The following CCSER1 variants were observed in gnomAD, a reference collection of about 807,000 sequenced individuals.
CCSER1 encodes the protein serine-rich coiled-coil domain-containing protein 1.
CCSER1 carries 41 observed loss-of-function variants against 82.0 expected under a neutral mutation model. That is an observed-to-expected ratio of 0.50 (90% CI 0.39 to 0.65). CCSER1 has a LOEUF of 0.65. Among genes scored for constraint, CCSER1 ranks in the 30% least tolerant of loss-of-function variants. CCSER1 has a pLI of 0.00. For synonymous variants in CCSER1, 414 were observed against 383.9 expected, an observed-to-expected ratio of 1.08 and a Z score of -0.92; for missense variants, 1,119 against 1,064.2, an observed-to-expected ratio of 1.05 and a Z score of -0.72.
intron 5 of CCSER1, among the ~76,000 whole-genome samples, chr4:90,617,733 T>C (rs1277522489): frequency 6.6e-6 from 1 of 152,178 alleles, no homozygotes; most frequent in Non-Finnish European, 1.5e-5. Context: ...GGAAAGTAAT[T>C]CAGCTACTTT....
chr4:91,372,343 A>G (rs1412192140), intron 10 of CCSER1, among the ~76,000 whole-genome samples: 5 of 152,164 alleles, frequency 3.3e-5, no homozygotes, highest in Non-Finnish European at 7.4e-5. Context: ...CTGTATGTCA[A>G]CAGAACAACC....
At chr4:90,516,036 T>C (rs1268734194) in intron 5 of CCSER1, among the ~76,000 whole-genome samples, 1 of 152,088 alleles carries the variant, frequency 6.6e-6, no homozygotes, top group Non-Finnish European at 1.5e-5. Flanking sequence ...GAAACAGAAA[T>C]ATAATTTGCA....
chr4:91,050,382 G>C (rs1158607468), intron 9 of CCSER1, among the ~76,000 whole-genome samples: 11 of 150,302 alleles, frequency 7.3e-5, no homozygotes, highest in Non-Finnish European at 1.2e-4. Flanking sequence ...AGTGAGCAGA[G>C]ATTGCGCCAC....
chr4:91,226,368 A>G (rs540222833), intron 10 of CCSER1, among the ~76,000 whole-genome samples: 2 of 152,046 alleles, frequency 1.3e-5, no homozygotes, highest in African/African-American at 2.4e-5. Flanking sequence ...CAACACAGCT[A>G]TGATAAATCA....
intron 1 of CCSER1, among the ~76,000 whole-genome samples, chr4:90,224,398 G>A (rs1023182670): frequency 3.3e-5 from 5 of 152,264 alleles, no homozygotes; most frequent in African/African-American, 7.2e-5. Context: ...GATTACTCGG[G>A]GTGCTGCATT....
At chr4:91,467,782 C>G (rs143648159) in intron 10 of CCSER1, among the ~76,000 whole-genome samples, 1,761 of 152,242 alleles carry the variant, frequency 0.012, 17 homozygotes, top group Non-Finnish European at 0.017. Context: ...CAGAGAAATG[C>G]AAATCAAAAC....
At chr4:91,096,407 G>A (rs1227564564) in intron 10 of CCSER1, among the ~76,000 whole-genome samples, 1 of 152,160 alleles carries the variant, frequency 6.6e-6, no homozygotes, top group Non-Finnish European at 1.5e-5. Flanking sequence ...TCGGCAGGTG[G>A]AGTGAGAACT....
intron 10 of CCSER1, among the ~76,000 whole-genome samples, chr4:91,363,377 G>GTGTT (rs1165269899): frequency 2.0e-5 from 3 of 151,334 alleles, no homozygotes. Context: ...GTGTGTGTGT[G>GTGTT]TGTGTGTGTG....
At chr4:90,444,821 A>G (rs1578496099) in intron 4 of CCSER1, among the ~76,000 whole-genome samples, 1 of 152,186 alleles carries the variant, frequency 6.6e-6, no homozygotes, top group Admixed American at 6.5e-5. Context: ...ACGGGCAACT[A>G]TAATTTCTCA....
At chr4:90,811,995 C>CACACACATATAT (rs367800484) in intron 7 of CCSER1, among the ~76,000 whole-genome samples, 22 of 142,772 alleles carry the variant, frequency 1.5e-4, no homozygotes, top group African/African-American at 5.7e-4. Context: ...TATATAAACA[C>CACACACATATAT]ATATATATAT....
chr4:90,460,209 C>T lies in CCSER1; in HGVS notation c.1604-8025C>T, dbSNP rs1762708541. ...GCATGGTGGCGCGTGCCTGTAGTCC[C>T]AGCTACACAGGAGGCTGAGGCAGGA... On this transcript the variant is annotated intron_variant, in intron 4 of 10. Transcript: ENST00000509176. Among the ~76,000 whole-genome samples, 2 of 146,866 alleles carry T rather than the reference C, an allele frequency of 1.4e-5. 1 individual carries two copies. Among genetic ancestry groups the T allele is most frequent in the African/African-American group, 5.3e-5 (2 of 37,724 alleles).
intron 10 of CCSER1, among the ~76,000 whole-genome samples, chr4:91,563,223 A>C (rs1762734460): frequency 6.6e-6 from 1 of 151,762 alleles, no homozygotes; most frequent in South Asian, 2.1e-4. Flanking sequence ...CACCACAAGA[A>C]AAGAAAATTA....
At chr4:90,339,845 T>C (rs1430015327) in intron 3 of CCSER1, among the ~76,000 whole-genome samples, 1 of 152,002 alleles carries the variant, frequency 6.6e-6, no homozygotes, top group African/African-American at 2.4e-5. Flanking sequence ...TGCTTACTTA[T>C]TTAATGTGAG....
chr4:90,286,585 G>C (rs1729942984), intron 1 of CCSER1, among the ~76,000 whole-genome samples: 1 of 151,918 alleles, frequency 6.6e-6, no homozygotes, highest in South Asian at 2.1e-4. Flanking sequence ...GATTTCTTAT[G>C]CAAAGTGAAA....
intron 10 of CCSER1, among the ~76,000 whole-genome samples, chr4:91,186,440 G>A (rs1017736989): frequency 6.6e-6 from 1 of 152,022 alleles, no homozygotes; most frequent in African/African-American, 2.4e-5. Context: ...GTGTCCTCCA[G>A]CTTAGTTTTC....
At chr4:90,964,500 C>A (rs1336130940) in intron 9 of CCSER1, among the ~76,000 whole-genome samples, 1 of 151,072 alleles carries the variant, frequency 6.6e-6, no homozygotes, top group Non-Finnish European at 1.5e-5. Context: ...CCAAGGCGGG[C>A]AGATCACGAG....
chr4:91,279,698 G>A (rs149613939), intron 10 of CCSER1, among the ~76,000 whole-genome samples: 1 of 152,008 alleles, frequency 6.6e-6, no homozygotes, highest in Non-Finnish European at 1.5e-5. Flanking sequence ...GTTTCTAAGT[G>A]AGCTTCTTAA....
chr4:91,299,973 A>G, intron 10 of CCSER1, among the ~76,000 whole-genome samples: 1 of 151,970 alleles, frequency 6.6e-6, no homozygotes, highest in African/African-American at 2.4e-5. Flanking sequence ...ACAAAAAAAC[A>G]AAACATTGCC....
intron 8 of CCSER1, among the ~76,000 whole-genome samples, chr4:90,922,766 G>GA (rs1054415080): frequency 2.5e-4 from 38 of 152,064 alleles, no homozygotes; most frequent in African/African-American, 9.2e-4. Context: ...GAAGGTCCCA[G>GA]AAAAAAGCAC....
Sources: gnomAD v4.1 joint callset for allele counts (sites outside exome capture counted in the v4.1 genomes callset) on GRCh38, gnomAD v4.1.1 for gene constraint, MANE v1.5 for transcripts, NCBI Gene and HGNC (gene_info 2026-07-23, HGNC 2026-07-21) for gene names.